The following SIGLEC9 variants were observed in gnomAD, a reference collection of about 807,000 sequenced individuals.
SIGLEC9 encodes the protein sialic acid binding Ig like lectin 9, also known as sialic acid-binding Ig-like lectin 9.
SIGLEC9 carries 26 observed loss-of-function variants against 38.3 expected under a neutral mutation model. The ratio of observed to expected loss-of-function variants is 0.68; its 90% CI spans 0.50 to 0.94. The LOEUF is 0.94. Among genes scored for constraint, SIGLEC9 ranks in the 40% least tolerant of loss-of-function variants. The pLI is 0.00. For missense variants in SIGLEC9, 556 were observed against 585.7 expected, an observed-to-expected ratio of 0.95 and a Z score of 0.52; for synonymous variants, 236 against 248.0, an observed-to-expected ratio of 0.95 and a Z score of 0.45.
At chr19:51,129,241 T>A (rs1393819524) in intron 6 of SIGLEC9, among the ~76,000 whole-genome samples, 1 of 151,056 alleles carries the variant, frequency 6.6e-6, no homozygotes, top group Non-Finnish European at 1.5e-5. Context: ...TCACTGCAAC[T>A]TCCACCTTCC....
chr19:51,124,543 T>C (rs2091963081), upstream of SIGLEC9, among the ~76,000 whole-genome samples: 1 of 152,136 alleles, frequency 6.6e-6, no homozygotes, highest in Admixed American at 6.5e-5. Context: ...TCACCCCACC[T>C]GCACCCCCAT....
chr19:51,125,014 A>T lies in SIGLEC9; in HGVS notation c.40A>T (p.Arg14Trp). The change falls in exon 1 of 7, where the codon AGG becomes TGG. Residue 14 changes from arginine (R) to tryptophan (W), a missense_variant. Transcript: ENST00000250360. ...GCTGCCCCTGCTCTGGGGGAGGGAG[A>T]GGGCGGAAGGACAGACAAGTAAACT... ...LLLPLLWGRE[R>W]AEGQTSKLLT... is the part of the protein sequence containing the mutation. 1 of 1,612,004 alleles carries T rather than the reference A, an allele frequency of 6.2e-7. No individual in the cohort carries two copies. The highest frequency in any genetic ancestry group is 1.7e-4 in the Middle Eastern group (1 of 6,040).
chr19:51,128,767 T>C, intron 6 of SIGLEC9: 1 of 423,954 alleles, frequency 2.4e-6, no homozygotes, highest in Admixed American at 3.9e-5. Flanking sequence ...TCTGCCTGTC[T>C]CCTCTCCTTT....
chr19:51,130,345 A>G, downstream of SIGLEC9: 1 of 389,338 alleles, frequency 2.6e-6, no homozygotes, highest in Non-Finnish European at 4.1e-6. Context: ...TCTGTAAAAC[A>G]GGAATGAGAA....
At position 51,125,302 on chromosome 19, in the gene SIGLEC9, A is replaced by G; in HGVS notation, c.328A>G (p.Arg110Gly). 1 of 1,613,434 alleles carries G rather than the reference A, an allele frequency of 6.2e-7. No individual in the cohort carries two copies. The highest frequency in any genetic ancestry group is 8.5e-7 in the Non-Finnish European group (1 of 1,179,446). ...KNCTLSIRDARRSDAGRYFFR... is the reference protein window; with the variant it reads ...KNCTLSIRDAGRSDAGRYFFR... ...TTGCACCCTGAGCATCAGAGATGCC[A>G]GAAGAAGTGATGCGGGGAGATACTT... is the stretch of plus-strand genomic sequence containing the variant. Residue 110 changes from arginine to glycine, a missense_variant, in exon 1 of 7, where the codon AGA becomes GGA. Physicochemically the swap from Arg to Gly is moderately radical, Grantham distance 125 (BLOSUM62 -2). Transcript: ENST00000250360.
At chr19:51,135,976 T>C (rs2092039114) in exon 7 of SIGLEC9, 1 of 702,942 alleles carries the variant, frequency 1.4e-6, no homozygotes, top group African/African-American at 1.7e-5. Flanking sequence ...TGAATCATTT[T>C]ATTGGATTTC....
intron 4 of SIGLEC9, among the ~76,000 whole-genome samples, 197 bp downstream of exon 4, chr19:51,127,493 C>G (rs1284718334): frequency 6.7e-6 from 1 of 148,622 alleles, no homozygotes; most frequent in East Asian, 2.0e-4. Context: ...GGGGAGAGGG[C>G]AGGAGTGGAT....
At chr19:51,131,672 T>C (rs1418615617), downstream of SIGLEC9, among the ~76,000 whole-genome samples, 3 of 151,788 alleles carry the variant, frequency 2.0e-5, no homozygotes, top group African/African-American at 7.3e-5. Context: ...TCCCAACACT[T>C]TGGGAGGCTG....
At chr19:51,125,986 C>G in intron 2 of SIGLEC9, 95 bp from the exon 3 acceptor site, 1 of 1,578,030 alleles carries the variant, frequency 6.3e-7, no homozygotes, top group Non-Finnish European at 8.7e-7. Flanking sequence ...AGGACACTGG[C>G]TCTGCCTTCC....
chr19:51,126,862 G>T (rs901641561), intron 3 of SIGLEC9, among the ~76,000 whole-genome samples, 168 bp from the exon 4 acceptor site: 3 of 152,204 alleles, frequency 2.0e-5, no homozygotes, highest in Non-Finnish European at 2.9e-5. Context: ...AACTGTTCTC[G>T]ATGAAGCGGG....
chr19:51,125,868 C>A lies in SIGLEC9; in HGVS notation c.693C>A (p.Asn231Lys). 4 of 1,614,116 alleles carry A rather than the reference C, an allele frequency of 2.5e-6. No individual in the cohort carries two copies. Among genetic ancestry groups the A allele is most frequent in the East Asian group, 2.2e-5 (1 of 44,876 alleles). Residue 231 changes from asparagine to lysine, a missense_variant, in exon 2 of 7, where the codon AAC (asparagine) becomes AAA (lysine). Asn to Lys is a moderately conservative substitution (Grantham distance 94). Coordinates refer to ENST00000250360, the MANE Select transcript of SIGLEC9 (RefSeq NM_014441.3). ...CCACGAACAAGACCGTCCATCTCAA[C>A]GTGTCCTGTGAGTGCTGGGCCGGGA... ...SVTTNKTVHL[N>K]VSYPPQNLTM...
intron 5 of SIGLEC9, 36 bp from the exon 6 acceptor site, chr19:51,128,378 G>A: frequency 6.2e-7 from 1 of 1,607,382 alleles, no homozygotes; most frequent in Non-Finnish European, 8.5e-7. Flanking sequence ...ACCCCAATCT[G>A]ACCACACTGA....
rs1466789703 is a variant in SIGLEC9 at position 51,126,226 on chromosome 19, G to C, written c.748+98G>C. On this transcript the variant is annotated intron_variant, in intron 3 of 6. Transcript: ENST00000250360. ...AACCTGGACTCACTTTGGCAAACAGGGATGTCCTTGTGGGTGAACTCAGGG... is the reference window on the plus strand; with the variant it reads ...AACCTGGACTCACTTTGGCAAACAGCGATGTCCTTGTGGGTGAACTCAGGG... 6 of 1,222,344 alleles carry C rather than the reference G, an allele frequency of 4.9e-6. No homozygotes were observed. The East Asian group carries it at 1.4e-4, about 28-fold the overall frequency. The allele number at this position is 1,222,344 out of a possible 1,614,324, so 75.7% of individuals were successfully genotyped here.
At chr19:51,130,317 T>G, downstream of SIGLEC9, 6 of 668,138 alleles carry the variant, frequency 9.0e-6, no homozygotes, top group Non-Finnish European at 1.3e-5. Context: ...CCTACCTCTC[T>G]GTACCTTGGT....
intron 6 of SIGLEC9, 152 bp from the exon 7 acceptor site, chr19:51,129,739 G>A (rs2092004501): frequency 3.4e-6 from 2 of 596,502 alleles, no homozygotes; most frequent in East Asian, 2.8e-5. Context: ...AGTAGAGACA[G>A]GGTTTCACCA....
chr19:51,121,579 T>G (rs1237170146), upstream of SIGLEC9, among the ~76,000 whole-genome samples: 1 of 144,892 alleles, frequency 6.9e-6, no homozygotes, highest in Non-Finnish European at 1.5e-5. Context: ...GGCCCTTTGC[T>G]GTCTTTTTTT....
intron 4 of SIGLEC9, 99 bp from the exon 5 acceptor site, chr19:51,127,850 G>T: frequency 1.4e-6 from 1 of 699,576 alleles, no homozygotes; most frequent in Admixed American, 2.3e-5. Context: ...TCTGGAAAGG[G>T]GAAGTGGAAA....
downstream of SIGLEC9, among the ~76,000 whole-genome samples, chr19:51,134,649 A>G (rs2061847047): frequency 6.6e-6 from 1 of 152,210 alleles, no homozygotes; most frequent in Non-Finnish European, 1.5e-5. Flanking sequence ...CTAGTGATCT[A>G]TCAATCTTAT....
chr19:51,124,779 G>A, upstream of SIGLEC9: 3 of 663,108 alleles, frequency 4.5e-6, no homozygotes, highest in Non-Finnish European at 7.5e-6. Context: ...ATGGGGTGGT[G>A]GACGGTGGAT....
Sources: allele counts gnomAD v4.1 joint callset (sites outside exome capture counted in the v4.1 genomes callset), GRCh38; gene constraint gnomAD v4.1.1; transcripts MANE v1.5; gene names NCBI Gene and HGNC (gene_info 2026-07-23, HGNC 2026-07-21).